Variants in KLHL24 observed in about 807,000 individuals in gnomAD.
KLHL24 encodes the protein kelch like family member 24, also known as kelch-like protein 24.
A neutral mutation model predicts 53.4 loss-of-function variants in KLHL24; 29 were observed. The ratio of observed to expected loss-of-function variants is 0.54; its 90% CI spans 0.40 to 0.74. KLHL24 has a LOEUF of 0.74. KLHL24 is among the 30% of genes least tolerant of loss of function. KLHL24 has a pLI of 0.00. For missense variants in KLHL24, 504 were observed against 744.0 expected (o/e 0.68, Z 3.75); for synonymous variants, 222 against 253.7 (o/e 0.88, Z 1.19).
chr3:183,663,526 C>A lies in KLHL24; in HGVS notation c.989C>A (p.Pro330Gln). The change falls in exon 4 of 8, where the codon CCA becomes CAA. Residue 330 changes from proline to glutamine, a missense_variant. By Grantham distance (76) the Pro-to-Gln change is moderately conservative (BLOSUM62 -1). Transcript: ENST00000242810. The surrounding 1 kb of genome is among the most constrained non-coding windows in gnomAD (Gnocchi z 4.9). ...GAGCGAGTTGGAGGATTTAATCTTC[C>A]ATACACTGAGTGCTACGATCCTGTA... ...GCERVGGFNL[P>Q]YTECYDPVTG... 1 of 1,607,140 alleles carries A rather than the reference C, an allele frequency of 6.2e-7. No homozygotes were observed. Among genetic ancestry groups the A allele is most frequent in the Non-Finnish European group, 8.5e-7 (1 of 1,176,106 alleles).
intron 2 of KLHL24, among the ~76,000 whole-genome samples, chr3:183,648,691 C>T (rs765977901): frequency 4.6e-5 from 7 of 152,018 alleles, no homozygotes; most frequent in Non-Finnish European, 7.4e-5. Flanking sequence ...GTAGAAGAAT[C>T]GCCTTAAAAT....
intron 3 of KLHL24, among the ~76,000 whole-genome samples, chr3:183,654,269 T>G (rs555366198): frequency 6.6e-6 from 1 of 152,290 alleles, no homozygotes; most frequent in Non-Finnish European, 1.5e-5. Context: ...TTCAATTTAA[T>G]GGTTCTTACT....
intron 7 of KLHL24, among the ~76,000 whole-genome samples, chr3:183,678,504 A>T (rs1317730380): frequency 6.8e-6 from 1 of 146,424 alleles, no homozygotes; most frequent in East Asian, 2.0e-4. Context: ...CCCAATTACT[A>T]ACATATAATC....
At chr3:183,656,596 A>C (rs1332568299) in intron 3 of KLHL24, among the ~76,000 whole-genome samples, 1 of 152,164 alleles carries the variant, frequency 6.6e-6, no homozygotes, top group Non-Finnish European at 1.5e-5. Context: ...TTTATGTGCC[A>C]TCTCAGTATG....
intron 1 of KLHL24, among the ~76,000 whole-genome samples, chr3:183,640,317 A>G (rs1326768885): frequency 6.6e-6 from 1 of 152,184 alleles, no homozygotes. Flanking sequence ...GGAGAGAAAC[A>G]CTGGAGAAAT....
At chr3:183,670,090 C>G (rs1236088777) in intron 5 of KLHL24, among the ~76,000 whole-genome samples, 1 of 152,090 alleles carries the variant, frequency 6.6e-6, no homozygotes, top group Non-Finnish European at 1.5e-5. Context: ...GAGGGAGACC[C>G]TGTCTCTGTG....
chr3:183,639,560 G>A (rs527342423), intron 1 of KLHL24, among the ~76,000 whole-genome samples: 12 of 150,066 alleles, frequency 8.0e-5, no homozygotes, highest in African/African-American at 3.0e-4. Context: ...AACCCAGGAG[G>A]CGGAGCTTGC....
chr3:183,645,263 A>C (rs1352909617), intron 2 of KLHL24, among the ~76,000 whole-genome samples: 1 of 152,240 alleles, frequency 6.6e-6, no homozygotes, highest in East Asian at 1.9e-4. Context: ...AGTTTCACCA[A>C]CAACAAAAAA....
intron 1 of KLHL24, among the ~76,000 whole-genome samples, chr3:183,637,626 C>T (rs866048901): frequency 3.5e-4 from 54 of 152,270 alleles, no homozygotes; most frequent in African/African-American, 1.3e-3. Flanking sequence ...TATAGGAATT[C>T]ACTCAAGACT....
chr3:183,676,735 A>C (rs968136561), intron 7 of KLHL24, among the ~76,000 whole-genome samples: 1 of 152,174 alleles, frequency 6.6e-6, no homozygotes, highest in Non-Finnish European at 1.5e-5. Flanking sequence ...CCTTTAAAAA[A>C]AATTGTGGGA....
Position 183,671,113 on chromosome 3 carries a change from C to G in KLHL24, c.1304C>G (p.Thr435Ser), listed in dbSNP as rs963426932. 2.5e-6 allele frequency: 4 copies of G among 1,614,012 alleles called. No homozygotes were observed. Among genetic ancestry groups the G allele is most frequent in the South Asian group, 1.1e-5 (1 of 91,072 alleles). The change falls in exon 6 of 8, where the codon ACT becomes AGT. Residue 435 changes from threonine (T) to serine (S), a missense_variant. Physicochemically the swap from Thr to Ser is moderately conservative, Grantham distance 58. Transcript: ENST00000242810. ...TATGATTCCTTTTCAAATCGATGGA[C>G]TGAAGTTGCTCCCCTTAAGGAAGCC... ...ECYDSFSNRWTEVAPLKEAVS... is the reference protein window; with the variant it reads ...ECYDSFSNRWSEVAPLKEAVS...
intron 3 of KLHL24, among the ~76,000 whole-genome samples, chr3:183,662,189 T>C (rs1719896263): frequency 2.0e-5 from 3 of 152,170 alleles, no homozygotes; most frequent in African/African-American, 7.2e-5. Context: ...AATTCTTTTC[T>C]CCCATATTTA....
chr3:183,675,413 C>T (rs1711663808), intron 7 of KLHL24, among the ~76,000 whole-genome samples: 1 of 152,124 alleles, frequency 6.6e-6, no homozygotes, highest in Admixed American at 6.5e-5. Flanking sequence ...TACGTTTTCT[C>T]CCTCTCATAT....
intron 1 of KLHL24, among the ~76,000 whole-genome samples, chr3:183,639,958 G>C (rs1716106681): frequency 6.6e-6 from 1 of 152,144 alleles, no homozygotes; most frequent in Non-Finnish European, 1.5e-5. Flanking sequence ...CCGGGAGGTG[G>C]GGGTTGCAGT....
At chr3:183,642,959 G>C (rs1576882193) in intron 1 of KLHL24, 1 of 152,186 alleles carries the variant, frequency 6.6e-6, no homozygotes, top group Non-Finnish European at 1.5e-5. Context: ...TGCCGGGCAC[G>C]GTGGCTCATG....
intron 1 of KLHL24, among the ~76,000 whole-genome samples, chr3:183,640,663 C>T (rs181020472): frequency 1.3e-5 from 2 of 148,956 alleles, no homozygotes; most frequent in East Asian, 3.9e-4. Context: ...GTGATGGTGC[C>T]ATCTTGGCTC....
At chr3:183,646,361 CAAAAA>C (rs35945634) in intron 2 of KLHL24, among the ~76,000 whole-genome samples, 4 of 66,744 alleles carry the variant, frequency 6.0e-5, no homozygotes, top group African/African-American at 1.0e-4. Context: ...GACTCCATCT[CAAAAA>C]AAAAAAAAAA....
At position 183,663,876 on chromosome 3, in the gene KLHL24, G is replaced by A. The variant is rs780277109; in HGVS notation, c.1105+234G>A. On this transcript the variant is annotated intron_variant, in intron 4 of 7. Transcript: ENST00000242810. The surrounding 1 kb of genome is among the most constrained non-coding windows in gnomAD (Gnocchi z 4.9). Reference sequence around the variant, plus strand: ...GGGAGGCCGAGGCAAGCAGATCACCGGGTCAGGAGATCGAGACCATCCTGG... The same window carrying A: ...GGGAGGCCGAGGCAAGCAGATCACCAGGTCAGGAGATCGAGACCATCCTGG... 5.9e-5 allele frequency among the ~76,000 whole-genome samples: 9 copies of A among 152,094 alleles called. No homozygotes were observed. The highest frequency in any genetic ancestry group is 2.0e-4 in the Admixed American group (3 of 15,288).
chr3:183,639,413 A>G (rs375248420), intron 1 of KLHL24, among the ~76,000 whole-genome samples: 73 of 147,666 alleles, frequency 4.9e-4, no homozygotes, highest in South Asian at 1.7e-3. Context: ...GGCAGATCAC[A>G]AGGTCAGGAG....
Sources: allele counts gnomAD v4.1 joint callset (sites outside exome capture counted in the v4.1 genomes callset), GRCh38; gene constraint gnomAD v4.1.1; non-coding constraint Gnocchi (gnomAD v3.1); transcripts MANE v1.5; gene names NCBI Gene and HGNC (gene_info 2026-07-23, HGNC 2026-07-21).